Variants in HKDC1 observed in about 807,000 individuals in gnomAD.
HKDC1 encodes the protein hexokinase domain containing 1.
A neutral mutation model predicts 96.6 loss-of-function variants in HKDC1; 66 were observed. That is an observed-to-expected ratio of 0.68 (90% confidence interval 0.56 to 0.84). The LOEUF is 0.84. HKDC1 is among the 40% of genes least tolerant of loss of function. The probability of loss-of-function intolerance (pLI) is 0.00; values close to 1 mark genes in which losing one functional copy is unlikely to be tolerated. For missense variants in HKDC1, 1,211 were observed against 1,208.1 expected (o/e 1.00, Z -0.04); for synonymous variants, 466 against 473.1 (o/e 0.98, Z 0.20).
chr10:69,240,568 C>A, intron 5 of HKDC1, 84 bp from the exon 6 acceptor site: 1 of 1,130,086 alleles, frequency 8.8e-7, no homozygotes, highest in Non-Finnish European at 1.3e-6. Context: ...CAGCCACCTT[C>A]ACTACCTGCT....
intron 4 of HKDC1, 79 bp from the exon 5 acceptor site, chr10:69,238,963 G>C: frequency 1.0e-6 from 1 of 956,722 alleles, no homozygotes; most frequent in Non-Finnish European, 1.6e-6. Context: ...GGGGATGCAC[G>C]TAGGCATGAA....
chr10:69,255,070 G>T (rs1387154647), intron 12 of HKDC1, among the ~76,000 whole-genome samples: 1 of 152,202 alleles, frequency 6.6e-6, no homozygotes, highest in Non-Finnish European at 1.5e-5. Context: ...GCTGTCTGCG[G>T]TCCTGACGGG....
intron 1 of HKDC1, chr10:69,223,164 G>A (rs1366776141): frequency 2.6e-5 from 4 of 152,196 alleles, no homozygotes; most frequent in African/African-American, 9.7e-5. Context: ...CCTGGTCACT[G>A]ACCTGCAGAT....
chr10:69,267,209 C>G lies in HKDC1; in HGVS notation c.*452C>G. On this transcript the variant is annotated 3_prime_UTR_variant, in exon 18 of 18. Coordinates refer to ENST00000354624, the MANE Select transcript of HKDC1 (RefSeq NM_025130.4). ...TGAACATTGGAGAGCAAGAGGAACT[C>G]ACGTTATGAACTAGGGGGATCTCAT... The G allele has an allele frequency of 3.8e-6, 1 of 264,224 alleles. No individual in the cohort carries two copies. The highest frequency in any genetic ancestry group is 7.4e-6 in the Non-Finnish European group (1 of 135,714). The allele number at this position is 264,224 out of a possible 1,614,324, so 16.4% of individuals were successfully genotyped here. A position where few individuals can be genotyped will look rare whatever the true frequency, so the allele number is the denominator to read the frequency against.
At chr10:69,263,073 T>C (rs1182679943) in intron 16 of HKDC1, among the ~76,000 whole-genome samples, 1 of 152,098 alleles carries the variant, frequency 6.6e-6, no homozygotes, top group Non-Finnish European at 1.5e-5. Context: ...TTGTTTTGTT[T>C]TTGTTTTCTG....
intron 1 of HKDC1, among the ~76,000 whole-genome samples, chr10:69,222,511 C>G (rs112575331): frequency 4.6e-5 from 7 of 152,204 alleles, no homozygotes; most frequent in Admixed American, 1.3e-4. Context: ...AACCCTGAAA[C>G]CTTTGATTCT....
rs10823325 is a variant in HKDC1, at chr10:69,257,688, G to T, written c.2032+262G>T. ...AGGACCTTGGGGCCAATTGTCATGG[G>T]GGGGGGAAGGAGACTACAGTTGGAT... On this transcript the variant is annotated intron_variant, in intron 14 of 17. Coordinates refer to ENST00000354624, the MANE Select transcript of HKDC1 (RefSeq NM_025130.4). Among the ~76,000 whole-genome samples the T allele has an allele frequency of 0.22, 32,364 of 149,592 alleles. 4,421 individuals carry two copies. The highest frequency in any genetic ancestry group is 0.3 in the Non-Finnish European group (20,207 of 67,952).
chr10:69,247,370 G>A lies in HKDC1; in HGVS notation c.1042G>A (p.Gly348Ser), dbSNP rs368162432. ...CTGTCCCCTGGCCAGGTATAAAGAA[G>A]GCCTTGCTAATACAAGAGAGATCCT... is the stretch of plus-strand genomic sequence containing the variant. The part of the protein sequence containing the change: ...HVAAMEKYKE[G>S]LANTREILVD... Residue 348 changes from glycine to serine, a missense_variant, in exon 9 of 18, where the codon GGC becomes AGC. By Grantham distance (56) the Gly-to-Ser change is moderately conservative. Coordinates refer to ENST00000354624, the MANE Select transcript of HKDC1 (RefSeq NM_025130.4). 4.3e-6 allele frequency: 7 copies of A among 1,613,306 alleles called. No individual in the cohort carries two copies. The highest frequency in any genetic ancestry group is 1.1e-5 in the South Asian group (1 of 91,066).
Position 69,248,604 on chromosome 10 carries a change from G to T in HKDC1, c.1446G>T (p.Glu482Asp), listed in dbSNP as rs1317086270. The T allele has an allele frequency of 6.2e-7, 1 of 1,614,170 alleles. No individual in the cohort carries two copies. Among genetic ancestry groups the T allele is most frequent in the Non-Finnish European group, 8.5e-7 (1 of 1,180,034 alleles). Reference sequence around the variant, plus strand: ...TGGCTTTGTTCCAGCTGACCCGAGAGCAGCTCGTGGACGTGCAGGCCAAGA... The same window carrying T: ...TGGCTTTGTTCCAGCTGACCCGAGATCAGCTCGTGGACGTGCAGGCCAAGA... ...RVLALFQLTR[E>D]QLVDVQAKMR... Residue 482 changes from glutamate (E) to aspartate (D), a missense_variant, in exon 10 of 18, where the codon GAG becomes GAT. By Grantham distance (45) the Glu-to-Asp change is conservative. Coordinates refer to ENST00000354624, the MANE Select transcript of HKDC1 (RefSeq NM_025130.4).
Position 69,265,513 on chromosome 10 carries a change from G to A in HKDC1, c.2373-72G>A, listed in dbSNP as rs989842300. On this transcript the variant is annotated intron_variant, in intron 16 of 17. Coordinates refer to ENST00000354624, the MANE Select transcript of HKDC1 (RefSeq NM_025130.4). ...TGTAAGGGCATCTAAGAATGGGGAG[G>A]CTGTGGGTCACACTGGGCACATCCC... 6.2e-6 allele frequency: 8 copies of A among 1,295,528 alleles called. No individual in the cohort carries two copies. The African/African-American group carries it at 1.0e-4, about 17-fold the overall frequency. The allele number at this position is 1,295,528 out of a possible 1,614,324, so 80.3% of individuals were successfully genotyped here.
At chr10:69,232,957 T>A in intron 3 of HKDC1, 45 bp downstream of exon 3, 1 of 1,612,394 alleles carries the variant, frequency 6.2e-7, no homozygotes, top group Non-Finnish European at 8.5e-7. Flanking sequence ...GGCGGTGGCA[T>A]CCGTGTGTGG....
chr10:69,255,041 C>T (rs1199285283), intron 12 of HKDC1, among the ~76,000 whole-genome samples: 3 of 152,168 alleles, frequency 2.0e-5, no homozygotes, highest in Non-Finnish European at 2.9e-5. Context: ...ATACACCATC[C>T]GGGAGGGTGC....
intron 7 of HKDC1, among the ~76,000 whole-genome samples, chr10:69,244,366 A>T (rs1467541878): frequency 6.6e-6 from 1 of 152,084 alleles, no homozygotes; most frequent in Non-Finnish European, 1.5e-5. Context: ...CGATTCAAAC[A>T]CTAGAACTGT....
chr10:69,243,434 T>G, intron 7 of HKDC1, 69 bp downstream of exon 7: 1 of 1,352,780 alleles, frequency 7.4e-7, no homozygotes, highest in Non-Finnish European at 9.9e-7. Context: ...GTCCCCTGGC[T>G]ACCTGGGAGG....
intron 17 of HKDC1, 102 bp from the exon 18 acceptor site, chr10:69,266,508 G>A: frequency 1.6e-6 from 2 of 1,276,806 alleles, no homozygotes; most frequent in East Asian, 2.4e-5. Context: ...GCCTTGAAAA[G>A]CAAACCAAAG....
chr10:69,230,428 G>A (rs1589403598), intron 2 of HKDC1, among the ~76,000 whole-genome samples: 1 of 152,120 alleles, frequency 6.6e-6, no homozygotes, highest in South Asian at 2.1e-4. Context: ...GAATCTCCAG[G>A]AATCTCCGCA....
intron 16 of HKDC1, chr10:69,262,147 A>G: frequency 2.6e-6 from 1 of 386,654 alleles, no homozygotes; most frequent in Non-Finnish European, 5.2e-6. Flanking sequence ...ATTAGCTGGA[A>G]TACTTCTAGA....
intron 7 of HKDC1, among the ~76,000 whole-genome samples, chr10:69,245,788 G>C (rs1437555434): frequency 6.6e-6 from 1 of 152,068 alleles, no homozygotes; most frequent in Non-Finnish European, 1.5e-5. Flanking sequence ...TGTAGGAGTG[G>C]GAAGCATCTG....
intron 6 of HKDC1, among the ~76,000 whole-genome samples, chr10:69,242,570 T>C (rs1006513434): frequency 2.6e-5 from 4 of 152,126 alleles, no homozygotes; most frequent in African/African-American, 2.4e-5. Context: ...TTTTAGAACA[T>C]TTCTGTCCTC....
Sources: gnomAD v4.1 joint callset for allele counts (sites outside exome capture counted in the v4.1 genomes callset) on GRCh38, gnomAD v4.1.1 for gene constraint, MANE v1.5 for transcripts, NCBI Gene and HGNC (gene_info 2026-07-23, HGNC 2026-07-21) for gene names.